The following PLEKHG4B variants were observed in gnomAD, a reference collection of about 807,000 sequenced individuals.
PLEKHG4B encodes pleckstrin homology and RhoGEF domain containing G4B.
Under a neutral mutation model 121.3 loss-of-function variants are expected in PLEKHG4B, and 111 were observed. The ratio of observed to expected loss-of-function variants is 0.92; its 90% confidence interval spans 0.78 to 1.07. The LOEUF (loss-of-function observed/expected upper bound fraction) is 1.07, where lower values mean the gene tolerates loss of function less well. Among genes scored for constraint, PLEKHG4B ranks in the 50% least tolerant of loss-of-function variants. The pLI is 0.00. For missense variants in PLEKHG4B, 1,831 were observed against 1,757.8 expected (o/e 1.04, Z -0.74); for synonymous variants, 738 against 725.0 (o/e 1.02, Z -0.29).
chr5:118,063 C>T (rs887337848), intron 2 of PLEKHG4B, among the ~76,000 whole-genome samples: 2 of 151,924 alleles, frequency 1.3e-5, no homozygotes, highest in South Asian at 4.2e-4. Flanking sequence ...AATAATAGAC[C>T]AGCAACATTC....
In PLEKHG4B at chr5:181,942, C is replaced by A. The variant is rs1396444885; in HGVS notation, c.4565-62C>A. The A allele has an allele frequency of 1.9e-6, 3 of 1,548,666 alleles. No homozygotes were observed. The East Asian group carries it at 6.8e-5, about 35-fold the overall frequency. ...CTTTCAGACGGCTCTGATCCCATTC[C>A]CGAACCTGGGCTGCACTTCTGGAGC... On this transcript the variant is annotated intron_variant, in intron 19 of 19. Coordinates refer to ENST00000637938, the MANE Select transcript of PLEKHG4B (RefSeq NM_052909.5).
intron 2 of PLEKHG4B, among the ~76,000 whole-genome samples, chr5:136,808 A>G (rs1319805416): frequency 1.3e-5 from 2 of 152,228 alleles, no homozygotes; most frequent in African/African-American, 4.8e-5. Context: ...CAGTTCTTCA[A>G]AAGAGTGAAC....
At chr5:98,542 C>T (rs1354211313) in intron 1 of PLEKHG4B, among the ~76,000 whole-genome samples, 2 of 135,702 alleles carry the variant, frequency 1.5e-5, no homozygotes, top group Admixed American at 8.3e-5. Flanking sequence ...TCAAGCGATT[C>T]TCCTGGCTCA....
intron 6 of PLEKHG4B, among the ~76,000 whole-genome samples, chr5:145,665 C>A (rs150131629): frequency 6.6e-6 from 1 of 152,178 alleles, no homozygotes; most frequent in Non-Finnish European, 1.5e-5. Flanking sequence ...GGCCTAGGGG[C>A]CCTGCACTGA....
At chr5:116,166 T>A (rs1396299180) in intron 2 of PLEKHG4B, among the ~76,000 whole-genome samples, 1 of 152,158 alleles carries the variant, frequency 6.6e-6, no homozygotes, top group Non-Finnish European at 1.5e-5. Context: ...CTAATTTCAA[T>A]ATTATTGTGT....
chr5:113,182 C>A lies in PLEKHG4B; in HGVS notation c.46-69C>A. ...TCCGTGTGGATCCTTCAGTGCCAGC[C>A]TTGGACTGTGGTGTGCACCTGTCTT... On this transcript the variant is annotated intron_variant, in intron 1 of 19. Transcript: ENST00000637938. This position sits in a 1 kb window ranked among gnomAD's most constrained non-coding sequence, Gnocchi z 5.2. The A allele has an allele frequency of 2.5e-6, 1 of 398,612 alleles. No homozygotes were observed. 24.7% of individuals were successfully genotyped at this position (398,612 alleles called of 1,614,324 possible).
chr5:147,160 C>A (rs372845436), intron 6 of PLEKHG4B, among the ~76,000 whole-genome samples: 1 of 152,182 alleles, frequency 6.6e-6, no homozygotes, highest in African/African-American at 2.4e-5. Flanking sequence ...GAGCACAGGC[C>A]GAGGTCCAGA....
intron 1 of PLEKHG4B, among the ~76,000 whole-genome samples, chr5:106,669 G>T (rs1256019374): frequency 6.6e-6 from 1 of 152,228 alleles, no homozygotes; most frequent in East Asian, 1.9e-4. Context: ...TTTACGAGTG[G>T]CTCCCCCTGC....
intron 6 of PLEKHG4B, among the ~76,000 whole-genome samples, chr5:149,035 A>C (rs973990039): frequency 4.6e-5 from 7 of 152,254 alleles, no homozygotes; most frequent in African/African-American, 1.7e-4. Context: ...GAATGAACTT[A>C]GATTCTTACC....
At chr5:108,209 G>C in intron 1 of PLEKHG4B, among the ~76,000 whole-genome samples, 1 of 152,214 alleles carries the variant, frequency 6.6e-6, no homozygotes, top group Non-Finnish European at 1.5e-5. Flanking sequence ...AGGTGATAAA[G>C]TCAGTGCATT....
At chr5:118,528 C>G (rs1734371783) in intron 2 of PLEKHG4B, among the ~76,000 whole-genome samples, 1 of 152,156 alleles carries the variant, frequency 6.6e-6, no homozygotes, top group Non-Finnish European at 1.5e-5. Context: ...TTTTTGCTCT[C>G]AAGATTACAA....
chr5:169,624 A>C, intron 14 of PLEKHG4B, 32 bp downstream of exon 14: 2 of 1,606,282 alleles, frequency 1.2e-6, no homozygotes, highest in Non-Finnish European at 1.7e-6. Flanking sequence ...GGTGCCGGGC[A>C]ACGTGGTGGG....
chr5:158,075 G>C (rs1735851840), intron 11 of PLEKHG4B, among the ~76,000 whole-genome samples: 1 of 152,152 alleles, frequency 6.6e-6, no homozygotes, highest in South Asian at 2.1e-4. Flanking sequence ...CCAGGCAAGT[G>C]GAGTCCAGGC....
Position 183,979 on chromosome 5 carries a change from A to AGATAGATC in PLEKHG4B, c.*1663_*1664insCGATAGAT, listed in dbSNP as rs781717427. The AGATAGATC allele has an allele frequency of 7.5e-4, 67 of 89,024 alleles. No homozygotes were observed. Among genetic ancestry groups the AGATAGATC allele is most frequent in the African/African-American group, 3.6e-3 (61 of 17,182 alleles). 5.5% of individuals were successfully genotyped at this position (89,024 alleles called of 1,614,324 possible). On this transcript the variant is annotated 3_prime_UTR_variant, in exon 20 of 20. Coordinates refer to ENST00000637938, the MANE Select transcript of PLEKHG4B (RefSeq NM_052909.5). ...TAGATATATATACAGACAGATAGAT[A>AGATAGATC]GATAGATAGATCGATAGATAGATAG...
intron 1 of PLEKHG4B, among the ~76,000 whole-genome samples, chr5:106,989 C>A (rs1362857906): frequency 6.6e-6 from 1 of 152,258 alleles, no homozygotes; most frequent in East Asian, 1.9e-4. Context: ...TTATCCGATT[C>A]TTTTCCCGGC....
chr5:163,324 A>G lies in PLEKHG4B; in HGVS notation c.3252A>G (p.Gln1084=), dbSNP rs1396653116. The change falls in exon 13 of 20, where the codon CAA becomes CAG. Residue 1084 remains glutamine, a synonymous_variant. Coordinates refer to ENST00000637938, the MANE Select transcript of PLEKHG4B (RefSeq NM_052909.5). ...AGAAGAAAATGATAAAGAAAACGCA[A>G]AGTTTCGAGATACCTCAGCCCGACA... is the stretch of plus-strand genomic sequence containing the variant. ...HPQKKMIKKT[Q]SFEIPQPDSG... 1.2e-6 allele frequency: 2 copies of G among 1,613,368 alleles called. No homozygotes were observed. Among genetic ancestry groups the G allele is most frequent in the Admixed American group, 1.7e-5 (1 of 60,026 alleles).
chr5:185,422 C>T lies in PLEKHG4B; in HGVS notation c.*3099C>T, dbSNP rs1266065357. 4 of 152,272 alleles carry T rather than the reference C, an allele frequency of 2.6e-5. No individual in the cohort carries two copies. Among genetic ancestry groups the T allele is most frequent in the South Asian group, 4.1e-4 (2 of 4,836 alleles). 9.4% of individuals were successfully genotyped at this position (152,272 alleles called of 1,614,324 possible). A position where few individuals can be genotyped will look rare whatever the true frequency, so the allele number is the denominator to read the frequency against. On this transcript the variant is annotated 3_prime_UTR_variant, in exon 20 of 20. Transcript: ENST00000637938. ...TTTTTTTAAAGTACAATCATGCACA[C>T]AGCACTTCCCCTGGGAGGCAGGGGC...
At position 154,865 on chromosome 5, in the gene PLEKHG4B, T is replaced by A. The variant is rs1028447074; in HGVS notation, c.1993-10T>A. The stretch of plus-strand genomic sequence containing the variant: ...TGGAGCCATGACCAACGAGTGCCTC[T>A]TCTTGGCAGTGTGAGGTCGTGAGCT... On this transcript the variant is annotated splice_polypyrimidine_tract_variant and intron_variant, in intron 7 of 19. Transcript: ENST00000637938. 6.2e-7 allele frequency: 1 copy of A among 1,610,678 alleles called. No individual in the cohort carries two copies. The highest frequency in any genetic ancestry group is 1.7e-5 in the Admixed American group (1 of 60,022).
intron 12 of PLEKHG4B, among the ~76,000 whole-genome samples, chr5:162,243 A>G (rs1736034739): frequency 6.6e-6 from 1 of 151,198 alleles, no homozygotes; most frequent in Admixed American, 6.6e-5. Flanking sequence ...AACAAGTGCT[A>G]CAGCAGACTG....
Sources: allele counts gnomAD v4.1 joint callset (sites outside exome capture counted in the v4.1 genomes callset), GRCh38; gene constraint gnomAD v4.1.1; non-coding constraint Gnocchi (gnomAD v3.1); transcripts MANE v1.5; gene names NCBI Gene and HGNC (gene_info 2026-07-23, HGNC 2026-07-21).